The following PKNOX1 variants were observed in gnomAD, a reference collection of about 807,000 sequenced individuals.
PKNOX1 encodes the protein PBX/knotted 1 homeobox 1, also known as homeobox protein PKNOX1.
A neutral mutation model predicts 51.9 loss-of-function variants in PKNOX1; 15 were observed. That is an observed-to-expected ratio of 0.29 (90% CI 0.19 to 0.45). PKNOX1 has a LOEUF of 0.45. PKNOX1 is among the 20% of genes least tolerant of loss of function. The pLI is 1.00. For synonymous variants in PKNOX1, 219 were observed against 211.1 expected (o/e 1.04, Z -0.32); for missense variants, 462 against 547.5 (o/e 0.84, Z 1.56).
rs370652452 is a variant in PKNOX1, at chr21:43,028,810, T to C, written c.1035T>C (p.Phe345=). ...CTCAGAACCGGCCAGTTCAGAGGTT[T>C]TGGCCTGATTCTATTGCATCAGGAG... ...KTAQNRPVQR[F]WPDSIASGVA... Residue 345 remains phenylalanine, a synonymous_variant, in exon 10 of 11, where the codon TTT becomes TTC. Coordinates refer to ENST00000291547, the MANE Select transcript of PKNOX1 (RefSeq NM_004571.5). 1.9e-6 allele frequency: 3 copies of C among 1,614,026 alleles called. No individual in the cohort carries two copies. Among genetic ancestry groups the C allele is most frequent in the Non-Finnish European group, 2.5e-6 (3 of 1,180,038 alleles).
intron 7 of PKNOX1, among the ~76,000 whole-genome samples, chr21:43,019,364 C>T (rs1979651134): frequency 6.7e-6 from 1 of 149,496 alleles, no homozygotes; most frequent in Non-Finnish European, 1.5e-5. Context: ...GCACTCCAGC[C>T]TGGGCAACAA....
Position 43,030,260 on chromosome 21 carries a change from AG to A in PKNOX1, c.*160del. The A allele has an allele frequency of 2.2e-6, 1 of 457,572 alleles. No homozygotes were observed. Among genetic ancestry groups the A allele is most frequent in the Non-Finnish European group, 3.9e-6 (1 of 255,564 alleles). The allele number at this position is 457,572 out of a possible 1,614,324, so 28.3% of individuals were successfully genotyped here. A position where few individuals can be genotyped will look rare whatever the true frequency, so the allele number is the denominator to read the frequency against. Reference sequence around the variant, plus strand: ...TTTGCCGGTGCAGCGACTTCTTTCAAGTGTGTGTGTGTGTGTGTGTGTGTGT... The same window carrying A: ...TTTGCCGGTGCAGCGACTTCTTTCAATGTGTGTGTGTGTGTGTGTGTGTGT... On this transcript the variant is annotated 3_prime_UTR_variant, in exon 11 of 11. Transcript: ENST00000291547.
intron 10 of PKNOX1, among the ~76,000 whole-genome samples, chr21:43,029,591 C>T (rs1476389426): frequency 6.6e-6 from 1 of 151,636 alleles, no homozygotes; most frequent in Non-Finnish European, 1.5e-5. Flanking sequence ...GCCACCACGC[C>T]CGGCTAATTT....
At chr21:42,980,382 G>A (rs1472575844) in intron 1 of PKNOX1, among the ~76,000 whole-genome samples, 2 of 151,048 alleles carry the variant, frequency 1.3e-5, no homozygotes, top group African/African-American at 2.4e-5. Flanking sequence ...CGAAAAAAGA[G>A]AAAAAAAAAT....
chr21:43,014,167 G>T (rs746070312), intron 5 of PKNOX1, among the ~76,000 whole-genome samples: 1 of 151,800 alleles, frequency 6.6e-6, no homozygotes, highest in Non-Finnish European at 1.5e-5. Context: ...GACTACAGGT[G>T]CCTGCCACCA....
At chr21:43,013,005 G>A in intron 4 of PKNOX1, 63 bp from the exon 5 acceptor site, 1 of 1,338,244 alleles carries the variant, frequency 7.5e-7, no homozygotes, top group East Asian at 2.4e-5. Flanking sequence ...TGGTATGTAG[G>A]ATCATGATAA....
chr21:42,987,963 A>G (rs2059064292), intron 1 of PKNOX1, among the ~76,000 whole-genome samples: 1 of 152,090 alleles, frequency 6.6e-6, no homozygotes, highest in Non-Finnish European at 1.5e-5. Flanking sequence ...TAATACAGAC[A>G]GTATGTGACC....
chr21:43,006,280 C>G (rs928469871), intron 2 of PKNOX1, among the ~76,000 whole-genome samples: 6 of 152,038 alleles, frequency 3.9e-5, no homozygotes, highest in Admixed American at 6.6e-5. Flanking sequence ...TGTGCCACCA[C>G]GCCCAGCTAA....
intron 1 of PKNOX1, among the ~76,000 whole-genome samples, chr21:42,993,254 C>A (rs975922447): frequency 6.6e-6 from 1 of 152,182 alleles, no homozygotes; most frequent in Non-Finnish European, 1.5e-5. Context: ...CCTTTCCTCC[C>A]CTCACGAAGC....
chr21:42,997,939 G>A (rs899457741), intron 1 of PKNOX1, among the ~76,000 whole-genome samples: 3 of 152,170 alleles, frequency 2.0e-5, no homozygotes, highest in Non-Finnish European at 4.4e-5. Context: ...GCCTGAGGGT[G>A]AGGGTTGGGC....
At chr21:42,990,504 C>A (rs1444455949) in intron 1 of PKNOX1, among the ~76,000 whole-genome samples, 1 of 152,092 alleles carries the variant, frequency 6.6e-6, no homozygotes, top group African/African-American at 2.4e-5. Flanking sequence ...ATGGGGTTCC[C>A]TGTGGAGTAG....
rs558825045 is a variant in PKNOX1 at position 43,027,575 on chromosome 21, T to C, written c.927-1127T>C. Among the ~76,000 whole-genome samples the C allele has an allele frequency of 4.6e-5, 7 of 152,276 alleles. No homozygotes were observed. The South Asian group carries it at 1.5e-3, about 32-fold the overall frequency. On this transcript the variant is annotated intron_variant, in intron 9 of 10. Transcript: ENST00000291547. ...CCTTTAATCTTAATGTATTTTGAGA[T>C]TGCTATCATACTCATTTGATATGAA...
chr21:43,000,685 A>G (rs191344356), intron 1 of PKNOX1, among the ~76,000 whole-genome samples: 59 of 152,188 alleles, frequency 3.9e-4, no homozygotes, highest in Admixed American at 3.9e-3. Context: ...CCAGGAATTC[A>G]AGACCAGCCT....
chr21:43,010,001 T>A, intron 3 of PKNOX1, 52 bp from the exon 4 acceptor site: 2 of 1,221,854 alleles, frequency 1.6e-6, no homozygotes, highest in Non-Finnish European at 2.3e-6. Flanking sequence ...GCAAAGACAT[T>A]CTCACGGAGA....
intron 1 of PKNOX1, among the ~76,000 whole-genome samples, chr21:42,986,981 G>T (rs1227893020): frequency 6.6e-6 from 1 of 152,068 alleles, no homozygotes; most frequent in Non-Finnish European, 1.5e-5. Flanking sequence ...GAGGGGGATG[G>T]GGCTGTGTGG....
intron 1 of PKNOX1, among the ~76,000 whole-genome samples, chr21:42,982,950 C>A (rs1372282888): frequency 6.6e-6 from 1 of 151,784 alleles, no homozygotes; most frequent in African/African-American, 2.4e-5. Context: ...GCTGGGATTA[C>A]AGGTGCCCAC....
intron 1 of PKNOX1, among the ~76,000 whole-genome samples, chr21:42,975,381 G>C (rs2058989846): frequency 6.6e-6 from 1 of 152,028 alleles, no homozygotes; most frequent in Non-Finnish European, 1.5e-5. Flanking sequence ...AGTGTTTGGG[G>C]CCGGGTGCTG....
chr21:43,001,167 A>G (rs1054892414), intron 1 of PKNOX1, among the ~76,000 whole-genome samples: 6 of 152,176 alleles, frequency 3.9e-5, no homozygotes, highest in African/African-American at 1.4e-4. Context: ...TGTCTTGGGG[A>G]AGAGTTCCTG....
intron 4 of PKNOX1, among the ~76,000 whole-genome samples, chr21:43,011,244 T>C (rs1167473943): frequency 2.6e-5 from 4 of 151,964 alleles, no homozygotes; most frequent in Non-Finnish European, 5.9e-5. Flanking sequence ...ATTTTTTTTG[T>C]ATTTTTAGTA....
Sources: allele counts gnomAD v4.1 joint callset (sites outside exome capture counted in the v4.1 genomes callset), GRCh38; gene constraint gnomAD v4.1.1; transcripts MANE v1.5; gene names NCBI Gene and HGNC (gene_info 2026-07-23, HGNC 2026-07-21).